MAOA: variants seen among roughly 807,000 people sequenced by gnomAD.
MAOA encodes the protein amine oxidase [flavin-containing] A.
MAOA carries 6 observed loss-of-function variants against 42.0 expected under a neutral mutation model. The observed-to-expected ratio is 0.14, with a 90% CI of 0.08 to 0.28. MAOA has a LOEUF of 0.28. Ranked by LOEUF, MAOA falls within the 10% of genes least tolerant of loss-of-function variation. The pLI is 1.00. For missense variants in MAOA, 262 were observed against 422.3 expected, an observed-to-expected ratio of 0.62 and a Z score of 3.33; for synonymous variants, 140 against 154.0, an observed-to-expected ratio of 0.91 and a Z score of 0.67.
chrX:43,708,629 G>A (rs756693372), intron 3 of MAOA, among the ~76,000 whole-genome samples: 16 of 109,030 alleles, frequency 1.5e-4, no homozygotes, highest in African/African-American at 5.4e-4. Context: ...CAGCAAAGAA[G>A]TTTATGTTAT....
chrX:43,709,141 G>A (rs898497345), intron 3 of MAOA, among the ~76,000 whole-genome samples: 12 of 111,124 alleles, frequency 1.1e-4, no homozygotes, highest in Admixed American at 1.1e-3. Context: ...TGGGATTACA[G>A]GTGTGAGCCA....
chrX:43,712,114 G>A, intron 4 of MAOA, 138 bp downstream of exon 4: 2 of 518,832 alleles, frequency 3.9e-6, no homozygotes, highest in South Asian at 2.9e-5. Context: ...CTGCAAAGTT[G>A]GTCGTATTTC....
intron 1 of MAOA, among the ~76,000 whole-genome samples, chrX:43,674,554 C>A (rs1444990895): frequency 1.8e-5 from 2 of 111,087 alleles, no homozygotes; most frequent in Non-Finnish European, 3.8e-5. Context: ...ATGGTCTTTA[C>A]ATTTTGGCAT....
intron 2 of MAOA, among the ~76,000 whole-genome samples, chrX:43,688,469 T>C (rs1221293719): frequency 1.8e-5 from 2 of 111,802 alleles, no homozygotes; most frequent in Non-Finnish European, 3.8e-5. Flanking sequence ...TCAGTAGAGA[T>C]AGGTTTTCAC....
chrX:43,710,307 T>C (rs2033690297), intron 3 of MAOA, among the ~76,000 whole-genome samples: 1 of 112,600 alleles, frequency 8.9e-6, no homozygotes, highest in Non-Finnish European at 1.9e-5. Flanking sequence ...CATAACATTT[T>C]CAGATAAGAA....
At chrX:43,657,570 G>A (rs2033194571) in intron 1 of MAOA, among the ~76,000 whole-genome samples, 2 of 110,435 alleles carry the variant, frequency 1.8e-5, no homozygotes, top group South Asian at 3.8e-4. Flanking sequence ...ATATATTGTC[G>A]CCTATGTTGC....
intron 1 of MAOA, among the ~76,000 whole-genome samples, chrX:43,682,957 A>G (rs896240385): frequency 1.8e-5 from 2 of 112,238 alleles, no homozygotes; most frequent in Non-Finnish European, 3.8e-5. Flanking sequence ...TGAGCTAGTG[A>G]AAAAAGTATG....
chrX:43,687,859 A>G (rs1443773250), intron 2 of MAOA, among the ~76,000 whole-genome samples: 1 of 112,610 alleles, frequency 8.9e-6, no homozygotes, highest in Admixed American at 9.4e-5. Flanking sequence ...CCTGCCTTCA[A>G]AACATATCCA....
rs1330227756 is a variant in MAOA, at chrX:43,691,824, T to C, written c.169-1467T>C. On this transcript the variant is annotated intron_variant, in intron 2 of 14. Transcript: ENST00000338702. ...CCAGTCTCAATATTGCTTATAAACA[T>C]AGATATAAAAATTCTAAACAAAATG... is the stretch of plus-strand genomic sequence containing the variant. Among the ~76,000 whole-genome samples, 3 of 111,629 alleles carry C rather than the reference T, an allele frequency of 2.7e-5. No homozygotes were observed. In the Admixed American group the frequency reaches 2.9e-4, roughly 11 times the overall value.
intron 3 of MAOA, among the ~76,000 whole-genome samples, chrX:43,702,787 C>T (rs751391119): frequency 7.2e-5 from 8 of 111,803 alleles, no homozygotes; most frequent in African/African-American, 2.3e-4. Flanking sequence ...CACACTGAAC[C>T]TTGGGCTGAG....
chrX:43,697,450 G>A (rs2033590121), intron 3 of MAOA, among the ~76,000 whole-genome samples: 1 of 112,207 alleles, frequency 8.9e-6, no homozygotes, highest in African/African-American at 3.2e-5. Flanking sequence ...GATGGATGCA[G>A]TAACTGGAAA....
rs762747911 is a variant in MAOA at position 43,740,671 on chromosome X, T to C, written c.1107-10T>C. 7.7e-6 allele frequency: 9 copies of C among 1,175,115 alleles called. No homozygotes were observed. The South Asian group carries it at 1.7e-4, about 22-fold the overall frequency. On this transcript the variant is annotated splice_polypyrimidine_tract_variant and intron_variant, in intron 10 of 14. Transcript: ENST00000338702. ...CTTTATTTTTTTTTTTTTTTGGCTC[T>C]GTTTTATAGGAAGAAGAAAATCTGT...
At chrX:43,705,964 GTGT>G (rs888626383) in intron 3 of MAOA, among the ~76,000 whole-genome samples, 4 of 112,445 alleles carry the variant, frequency 3.6e-5, no homozygotes, top group African/African-American at 1.3e-4. Flanking sequence ...ACATTAATAA[GTGT>G]TGTGCAGGAT....
intron 12 of MAOA, 43 bp downstream of exon 12, chrX:43,742,090 A>G: frequency 8.3e-7 from 1 of 1,208,024 alleles, no homozygotes; most frequent in Non-Finnish European, 1.1e-6. Flanking sequence ...GACCTGTGCC[A>G]AATTTAAAAG....
In MAOA at chrX:43,697,700, G is replaced by C. The variant is rs1280281545; in HGVS notation, c.306+4272G>C. On this transcript the variant is annotated intron_variant, in intron 3 of 14. Transcript: ENST00000338702. ...TAGACAACAATGTTAAGGCAAAAAA[G>C]TAGTGGGTTGGTTAAAGTTTAGTTT... 3.6e-5 allele frequency among the ~76,000 whole-genome samples: 4 copies of C among 111,783 alleles called. No homozygotes were observed. In the East Asian group the frequency reaches 1.1e-3, roughly 31 times the overall value.
intron 5 of MAOA, among the ~76,000 whole-genome samples, chrX:43,724,039 C>G (rs1250506960): frequency 1.8e-5 from 2 of 111,267 alleles, no homozygotes; most frequent in African/African-American, 6.5e-5. Context: ...CTGACTTGAT[C>G]TTGGTGGATA....
At chrX:43,731,419 T>G (rs761988020) in intron 7 of MAOA, 29 bp downstream of exon 7, 4 of 1,177,858 alleles carry the variant, frequency 3.4e-6, no homozygotes, top group Non-Finnish European at 4.6e-6. Context: ...AAGGAGCATA[T>G]AGTAAATAGG....
chrX:43,701,900 T>C (rs60474934), intron 3 of MAOA, among the ~76,000 whole-genome samples: 19,822 of 111,665 alleles, frequency 0.18, 3,228 homozygotes, highest in African/African-American at 0.53. Context: ...CTCCTCCTTC[T>C]TCCTTGCTTT....
chrX:43,684,874 C>CTTTTTTTTTTTTTTTTTTTT (rs201207592), intron 2 of MAOA, among the ~76,000 whole-genome samples: 15 of 59,631 alleles, frequency 2.5e-4, no homozygotes, highest in Non-Finnish European at 2.6e-4. Flanking sequence ...CTTTTCTTTT[C>CTTTTTTTTTTTTTTTTTTTT]TTTTTTTTTT....
Sources: gnomAD v4.1 joint callset for allele counts (sites outside exome capture counted in the v4.1 genomes callset) on GRCh38, gnomAD v4.1.1 for gene constraint, MANE v1.5 for transcripts, NCBI Gene and HGNC (gene_info 2026-07-23, HGNC 2026-07-21) for gene names.